Variants in POLA1 observed in about 807,000 individuals in gnomAD.
POLA1 encodes DNA polymerase alpha 1, catalytic subunit.
In POLA1, 15 loss-of-function variants were observed where a neutral mutation model predicts 124.0. The observed-to-expected ratio is 0.12, with a 90% CI of 0.08 to 0.19. The LOEUF (loss-of-function observed/expected upper bound fraction) is 0.19. Among genes scored for constraint, POLA1 ranks in the 10% least tolerant of loss-of-function variants. The pLI is 1.00. For missense variants in POLA1, 886 were observed against 1,103.4 expected, an observed-to-expected ratio of 0.80 and a Z score of 2.79; for synonymous variants, 408 against 389.4, an observed-to-expected ratio of 1.05 and a Z score of -0.56.
intron 35 of POLA1, among the ~76,000 whole-genome samples, chrX:24,893,996 G>T (rs2047174705): frequency 9.0e-6 from 1 of 111,124 alleles, no homozygotes; most frequent in Non-Finnish European, 1.9e-5. Context: ...CCTATTCAAT[G>T]CCCATGTTAT....
rs145901510 is a variant in POLA1, at chrX:24,919,425, C to T, written c.4165-11028C>T. 4.7e-3 allele frequency among the ~76,000 whole-genome samples: 519 copies of T among 111,129 alleles called. 4 individuals are homozygous for T. Among genetic ancestry groups the T allele is most frequent in the African/African-American group, 0.017 (507 of 30,543 alleles). ...ATCTCATTCAGTCTTCGTAACAGTG[C>T]CTTGAGGTCATGTTCCCCCCCACCA... On this transcript the variant is annotated intron_variant, in intron 35 of 36. Coordinates refer to ENST00000379068, the MANE Select transcript of POLA1 (RefSeq NM_001330360.2).
intron 26 of POLA1, among the ~76,000 whole-genome samples, chrX:24,773,082 A>G (rs1435882127): frequency 8.9e-6 from 1 of 112,410 alleles, no homozygotes; most frequent in Non-Finnish European, 1.9e-5. Flanking sequence ...GAGAAAAAAC[A>G]GGATTGACCA....
At chrX:24,982,583 CA>C (rs1173238915) in intron 36 of POLA1, among the ~76,000 whole-genome samples, 12 of 103,930 alleles carry the variant, frequency 1.2e-4, no homozygotes, top group East Asian at 5.9e-4. Flanking sequence ...AATGTGAAAG[CA>C]AAAAAAAAAG....
At chrX:24,933,685 GTTTTAAT>G (rs1295351687) in intron 36 of POLA1, among the ~76,000 whole-genome samples, 1 of 112,283 alleles carries the variant, frequency 8.9e-6, no homozygotes, top group African/African-American at 3.2e-5. Context: ...CTGGATGGTG[GTTTTAAT>G]TTTTGTTTGA....
intron 26 of POLA1, chrX:24,788,712 C>T: frequency 8.3e-7 from 1 of 1,205,181 alleles, no homozygotes; most frequent in Non-Finnish European, 1.1e-6. Context: ...AGACGTTCTT[C>T]CCTTAGCCTC....
intron 32 of POLA1, among the ~76,000 whole-genome samples, chrX:24,828,229 T>C (rs953567278): frequency 8.9e-6 from 1 of 112,922 alleles, no homozygotes; most frequent in Non-Finnish European, 1.9e-5. Flanking sequence ...GCGTTTGCTC[T>C]GTTGGATACA....
At chrX:24,824,460 CTT>C (rs781633550) in intron 31 of POLA1, among the ~76,000 whole-genome samples, 30 of 67,072 alleles carry the variant, frequency 4.5e-4, no homozygotes, top group African/African-American at 1.1e-3. Flanking sequence ...GCCTGGCTAA[CTT>C]TTTTTTTTTT....
chrX:24,794,158 T>C (rs1452037343), intron 26 of POLA1, among the ~76,000 whole-genome samples: 6 of 110,541 alleles, frequency 5.4e-5, no homozygotes, highest in Non-Finnish European at 1.1e-4. Flanking sequence ...TGTATTTTTT[T>C]AGTAGAGATG....
chrX:24,837,781 A>G lies in POLA1; in HGVS notation c.3737-3871A>G, dbSNP rs1250714711. On this transcript the variant is annotated intron_variant, in intron 32 of 36. Transcript: ENST00000379068. ...TCATAGATTAAATGATCCATATTAC[A>G]AACAACTGCTTGTAAATACCAGTTA... is the stretch of plus-strand genomic sequence containing the variant. 2.7e-5 allele frequency among the ~76,000 whole-genome samples: 3 copies of G among 111,806 alleles called. No individual in the cohort carries two copies. The East Asian group carries it at 8.4e-4, about 31-fold the overall frequency.
chrX:24,731,818 AAAT>A (rs1569286017), intron 15 of POLA1, among the ~76,000 whole-genome samples: 1 of 112,126 alleles, frequency 8.9e-6, no homozygotes, highest in Non-Finnish European at 1.9e-5. Flanking sequence ...TTTTGCTTCA[AAAT>A]AATCTAGAGA....
At chrX:24,833,828 C>T (rs749474457) in intron 32 of POLA1, among the ~76,000 whole-genome samples, 7 of 112,588 alleles carry the variant, frequency 6.2e-5, no homozygotes, top group Admixed American at 2.8e-4. Flanking sequence ...GCGTGGCTCA[C>T]GCCTGTAATC....
intron 34 of POLA1, among the ~76,000 whole-genome samples, chrX:24,844,136 G>A (rs190873565): frequency 1.8e-5 from 2 of 111,327 alleles, no homozygotes; most frequent in African/African-American, 6.5e-5. Context: ...CACTCTAAAC[G>A]ACTCCATACC....
intron 32 of POLA1, among the ~76,000 whole-genome samples, chrX:24,836,376 T>C (rs781220955): frequency 8.9e-6 from 1 of 111,886 alleles, no homozygotes; most frequent in East Asian, 2.8e-4. Flanking sequence ...TTCTTGGGGA[T>C]GTACTAAGGA....
At chrX:24,787,422 T>C (rs750091013) in intron 26 of POLA1, among the ~76,000 whole-genome samples, 1 of 111,967 alleles carries the variant, frequency 8.9e-6, no homozygotes, top group Non-Finnish European at 1.9e-5. Flanking sequence ...AATTTTATTC[T>C]TTCGTATGTG....
At chrX:24,987,551 T>C (rs2048492780) in intron 36 of POLA1, among the ~76,000 whole-genome samples, 1 of 112,206 alleles carries the variant, frequency 8.9e-6, no homozygotes. Flanking sequence ...ACTAAATGTA[T>C]AGTCATATGT....
At chrX:24,915,777 G>A (rs1438224683) in intron 35 of POLA1, among the ~76,000 whole-genome samples, 1 of 111,602 alleles carries the variant, frequency 9.0e-6, no homozygotes, top group Admixed American at 9.5e-5. Context: ...ATTTCAGGGG[G>A]GTGCATTACT....
chrX:24,744,384 A>G (rs1178513719), intron 23 of POLA1: 5 of 270,294 alleles, frequency 1.8e-5, no homozygotes, highest in Non-Finnish European at 3.3e-5. Flanking sequence ...AAATTAGTAT[A>G]GTGCTGGACA....
intron 26 of POLA1, among the ~76,000 whole-genome samples, chrX:24,769,360 A>G (rs905580263): frequency 9.0e-6 from 1 of 111,265 alleles, no homozygotes; most frequent in African/African-American, 3.3e-5. Flanking sequence ...TGCTGCCTGT[A>G]GTCTTCTTGA....
intron 36 of POLA1, among the ~76,000 whole-genome samples, chrX:24,952,675 A>C (rs2048061895): frequency 8.9e-6 from 1 of 112,500 alleles, no homozygotes; most frequent in African/African-American, 3.2e-5. Flanking sequence ...GCCTTTGTTT[A>C]ACTGAATATA....
Sources: allele counts gnomAD v4.1 joint callset (sites outside exome capture counted in the v4.1 genomes callset), GRCh38; gene constraint gnomAD v4.1.1; transcripts MANE v1.5; gene names NCBI Gene and HGNC (gene_info 2026-07-23, HGNC 2026-07-21).